Variants in LY75 observed in about 807,000 individuals in gnomAD.
The protein encoded by LY75 is C-type lectin domain family 13 member B.
A neutral mutation model predicts 231.7 loss-of-function variants in LY75; 185 were observed. The ratio of observed to expected loss-of-function variants is 0.80; its 90% confidence interval spans 0.71 to 0.90. The LOEUF is 0.90. Ranked by LOEUF, LY75 falls within the 40% of genes least tolerant of loss-of-function variation. LY75 has a pLI of 0.00. For missense variants in LY75, 1,947 were observed against 2,050.2 expected (o/e 0.95, Z 0.97); for synonymous variants, 668 against 689.0 (o/e 0.97, Z 0.48).
chr2:159,868,074 TG>T (rs1225683136), intron 13 of LY75, among the ~76,000 whole-genome samples: 1 of 152,194 alleles, frequency 6.6e-6, no homozygotes, highest in Non-Finnish European at 1.5e-5. Flanking sequence ...CTAATATAAA[TG>T]GGTTTGCTTC....
intron 28 of LY75, among the ~76,000 whole-genome samples, chr2:159,820,266 T>C (rs182117974): frequency 9.2e-5 from 14 of 152,338 alleles, no homozygotes; most frequent in African/African-American, 3.4e-4. Flanking sequence ...AGCAAAAATA[T>C]GGAACCAGCC....
rs533061711 is a variant in LY75 at position 159,858,587 on chromosome 2, T to C, written c.2269-111A>G. Reference sequence around the variant, plus strand: ...TCTATTTTAGCTCTAGCACCTAAGATATTTGTTCGATAAATGAACACATGA... The same window carrying C: ...TCTATTTTAGCTCTAGCACCTAAGACATTTGTTCGATAAATGAACACATGA... On this transcript the variant is annotated intron_variant, in intron 15 of 34. Coordinates refer to ENST00000263636, the MANE Select transcript of LY75 (RefSeq NM_002349.4). 6.8e-4 allele frequency: 826 copies of C among 1,210,436 alleles called. 2 individuals carry two copies. The highest frequency in any genetic ancestry group is 8.1e-4 in the Non-Finnish European group (744 of 912,948). The allele number at this position is 1,210,436 out of a possible 1,614,324, so 75.0% of individuals were successfully genotyped here.
intron 30 of LY75, among the ~76,000 whole-genome samples, chr2:159,816,409 G>C (rs1683120189): frequency 1.3e-5 from 2 of 152,186 alleles, no homozygotes; most frequent in African/African-American, 2.4e-5. Flanking sequence ...TTATTACCCT[G>C]ATTTTCTACA....
In LY75 at chr2:159,819,930, A is replaced by G. The variant is rs753646655; in HGVS notation, c.3959-10T>C. 31 of 1,488,902 alleles carry G rather than the reference A, an allele frequency of 2.1e-5. No homozygotes were observed. Among genetic ancestry groups the G allele is most frequent in the Non-Finnish European group, 2.7e-5 (30 of 1,124,658 alleles). The allele number at this position is 1,488,902 out of a possible 1,614,324, so 92.2% of individuals were successfully genotyped here. On this transcript the variant is annotated splice_polypyrimidine_tract_variant and intron_variant, in intron 28 of 34. Transcript: ENST00000263636. ...CACATAAGAGACTTATCTAGAGAAG[A>G]AACATTTTTTCCTATGCTTAGAGAT...
chr2:159,868,585 A>G, intron 13 of LY75, among the ~76,000 whole-genome samples: 1 of 152,204 alleles, frequency 6.6e-6, no homozygotes, highest in Non-Finnish European at 1.5e-5. Context: ...CAAAGAAACA[A>G]ATCATAAAAA....
intron 32 of LY75, among the ~76,000 whole-genome samples, chr2:159,809,115 C>G (rs1161633361): frequency 6.6e-6 from 1 of 152,198 alleles, no homozygotes; most frequent in Non-Finnish European, 1.5e-5. Context: ...CACAAAAGTT[C>G]CCGGTAACTA....
intron 12 of LY75, among the ~76,000 whole-genome samples, chr2:159,874,909 AT>A (rs1233644889): frequency 7.4e-6 from 1 of 135,302 alleles, no homozygotes; most frequent in Non-Finnish European, 1.5e-5. Flanking sequence ...AAACATATAT[AT>A]TTTATAAATA....
chr2:159,854,741 C>A lies in LY75; in HGVS notation c.2419+163G>T, dbSNP rs1334689648. ...CACTCACAGGGAAGGAAAAAGTCAC[C>A]CTCATCACCTCATCCCATACCAGTC... is the stretch of plus-strand genomic sequence containing the variant. On this transcript the variant is annotated intron_variant, in intron 17 of 34. Transcript: ENST00000263636. Among the ~76,000 whole-genome samples, 4 of 152,310 alleles carry A rather than the reference C, an allele frequency of 2.6e-5. No homozygotes were observed. In the East Asian group the frequency reaches 7.7e-4, roughly 29 times the overall value.
At chr2:159,897,232 G>T (rs1331959590) in intron 2 of LY75, among the ~76,000 whole-genome samples, 1 of 152,146 alleles carries the variant, frequency 6.6e-6, no homozygotes, top group Non-Finnish European at 1.5e-5. Flanking sequence ...AAAGAACCCT[G>T]CCAAGAAAAT....
chr2:159,850,420 G>T lies in LY75; in HGVS notation c.2931C>A (p.Ser977Arg), dbSNP rs149297961. ...TGCCACCATAGGAGTGACAGGTATC[G>T]CTTGCTTGAGAAAATGTGAGAGACA... ...KPVSLTFSQA[S>R]DTCHSYGGTL... Residue 977 changes from serine to arginine, a missense_variant, in exon 22 of 35, where the codon AGC becomes AGA. Transcript: ENST00000263636. The T allele has an allele frequency of 4.0e-4, 638 of 1,613,550 alleles. 1 individual carries two copies. Among genetic ancestry groups the T allele is most frequent in the Non-Finnish European group, 4.9e-4 (576 of 1,179,660 alleles).
chr2:159,895,505 A>T (rs1265885240), intron 2 of LY75, among the ~76,000 whole-genome samples: 1 of 152,194 alleles, frequency 6.6e-6, no homozygotes, highest in Non-Finnish European at 1.5e-5. Flanking sequence ...TGATTTTTGG[A>T]ATACAAAGTG....
intron 31 of LY75, among the ~76,000 whole-genome samples, chr2:159,811,189 T>C (rs1310683895): frequency 6.6e-6 from 1 of 152,204 alleles, no homozygotes; most frequent in Non-Finnish European, 1.5e-5. Context: ...TGGATTCCTT[T>C]TTATTTTGAT....
At chr2:159,862,101 T>A (rs1401372176) in intron 14 of LY75, among the ~76,000 whole-genome samples, 1 of 151,598 alleles carries the variant, frequency 6.6e-6, no homozygotes, top group Non-Finnish European at 1.5e-5. Context: ...GAGTTAGAGA[T>A]CACCCTGGCC....
At chr2:159,850,851 T>G (rs1684381999) in intron 21 of LY75, among the ~76,000 whole-genome samples, 1 of 139,786 alleles carries the variant, frequency 7.2e-6, no homozygotes, top group Non-Finnish European at 1.5e-5. Context: ...AATATATATT[T>G]TATATTATAT....
At chr2:159,836,802 C>T (rs1239784223) in intron 25 of LY75, among the ~76,000 whole-genome samples, 3 of 152,192 alleles carry the variant, frequency 2.0e-5, no homozygotes, top group Non-Finnish European at 4.4e-5. Flanking sequence ...TTCGGCCATG[C>T]GACTTTGCCT....
intron 5 of LY75, among the ~76,000 whole-genome samples, chr2:159,885,500 A>C (rs1158752999): frequency 6.6e-6 from 1 of 152,196 alleles, no homozygotes; most frequent in Non-Finnish European, 1.5e-5. Context: ...CTAAAGGGAA[A>C]ACATCATGAT....
At chr2:159,903,829 TG>T (rs1474248224) in intron 1 of LY75, among the ~76,000 whole-genome samples, 1 of 152,074 alleles carries the variant, frequency 6.6e-6, no homozygotes, top group Non-Finnish European at 1.5e-5. Flanking sequence ...TGTGGTGTGG[TG>T]GGGCTGGCAC....
Position 159,894,019 on chromosome 2 carries a change from T to TC in LY75, c.531dup (p.Thr178AspfsTer5). ...TCAAGAATGCAATCATGATGCCAGG[T>TC]CCCATCAATTAAGAATGGAAATTCA... On this transcript the variant is annotated frameshift_variant, in exon 3 of 35. Coordinates refer to ENST00000263636, the MANE Select transcript of LY75 (RefSeq NM_002349.4). LOFTEE classifies it high-confidence loss of function. 1 of 1,613,828 alleles carries TC rather than the reference T, an allele frequency of 6.2e-7. No individual in the cohort carries two copies.
chr2:159,831,907 C>G, intron 27 of LY75, 121 bp from the exon 28 acceptor site: 1 of 722,376 alleles, frequency 1.4e-6, no homozygotes, highest in Non-Finnish European at 2.1e-6. Context: ...CAATATTGGA[C>G]AATTAGAAAC....
Sources: gnomAD v4.1 joint callset for allele counts (sites outside exome capture counted in the v4.1 genomes callset) on GRCh38, gnomAD v4.1.1 for gene constraint, MANE v1.5 for transcripts, NCBI Gene and HGNC (gene_info 2026-07-23, HGNC 2026-07-21) for gene names.